Variants in CCDC192 observed in about 807,000 individuals in gnomAD.
CCDC192 encodes coiled-coil domain containing 192, also known as coiled-coil domain-containing protein 192.
At chr5:127,814,566 A>C (rs1397725055) in intron 5 of CCDC192, among the ~76,000 whole-genome samples, 1 of 152,204 alleles carries the variant, frequency 6.6e-6, no homozygotes. Context: ...AATGCTTATA[A>C]ATGTGTAGTT....
rs141848608 is a variant in CCDC192, at chr5:127,872,328, A to T, written c.412-3210A>T. 2.1e-3 allele frequency among the ~76,000 whole-genome samples: 319 copies of T among 152,338 alleles called. 11 individuals are homozygous for T. The East Asian group carries it at 0.056, about 27-fold the overall frequency. ...ATAAAGTGATATTTTGGTTCACATT[A>T]TCCTTGAATTCTAAGGGACGCACAG... On this transcript the variant is annotated intron_variant, in intron 5 of 6. Coordinates refer to ENST00000514853, the MANE Select transcript of CCDC192 (RefSeq NM_001317938.2).
At chr5:127,737,224 A>G (rs959954308) in intron 2 of CCDC192, among the ~76,000 whole-genome samples, 2 of 151,950 alleles carry the variant, frequency 1.3e-5, no homozygotes, top group South Asian at 2.1e-4. Flanking sequence ...TTCAGTTTCC[A>G]TGTAGTTGAG....
chr5:127,765,141 A>C (rs1755146075), intron 3 of CCDC192, among the ~76,000 whole-genome samples: 1 of 152,170 alleles, frequency 6.6e-6, no homozygotes, highest in Non-Finnish European at 1.5e-5. Context: ...TAAAGTTAAA[A>C]GATTTGGATA....
At chr5:127,778,349 AT>A (rs1205953288) in intron 3 of CCDC192, among the ~76,000 whole-genome samples, 2 of 152,002 alleles carry the variant, frequency 1.3e-5, no homozygotes, top group Non-Finnish European at 2.9e-5. Context: ...GATTTTGTCA[AT>A]TTTTTTGCAT....
intron 2 of CCDC192, among the ~76,000 whole-genome samples, chr5:127,729,739 T>A (rs1483097050): frequency 6.6e-6 from 1 of 152,040 alleles, no homozygotes; most frequent in African/African-American, 2.4e-5. Context: ...CACAACTACA[T>A]GAAAATTGAA....
intron 2 of CCDC192, among the ~76,000 whole-genome samples, chr5:127,747,117 T>C (rs571149388): frequency 6.6e-6 from 1 of 152,124 alleles, no homozygotes; most frequent in Non-Finnish European, 1.5e-5. Context: ...TATTTTTTTA[T>C]TGTTATACTT....
intron 5 of CCDC192, among the ~76,000 whole-genome samples, chr5:127,809,715 G>A (rs1020625030): frequency 3.9e-5 from 6 of 152,118 alleles, no homozygotes; most frequent in Admixed American, 3.9e-4. Flanking sequence ...TGATAATCCA[G>A]CTGGCAAAGT....
chr5:127,799,688 A>G (rs374362045), intron 5 of CCDC192, among the ~76,000 whole-genome samples: 21 of 152,278 alleles, frequency 1.4e-4, no homozygotes, highest in African/African-American at 2.9e-4. Context: ...GGAAATTCCT[A>G]TAGTGTCTTC....
At chr5:127,864,366 G>C (rs972374282) in intron 5 of CCDC192, among the ~76,000 whole-genome samples, 11 of 152,264 alleles carry the variant, frequency 7.2e-5, no homozygotes, top group Admixed American at 7.2e-4. Context: ...CTCCCTACCT[G>C]CTATCCGTGC....
chr5:127,805,879 G>T (rs1259666407), intron 5 of CCDC192, among the ~76,000 whole-genome samples: 1 of 152,076 alleles, frequency 6.6e-6, no homozygotes, highest in Non-Finnish European at 1.5e-5. Context: ...TGCTGAATCT[G>T]GAAAGATTGA....
At chr5:127,717,386 T>G (rs1378636216) in intron 2 of CCDC192, among the ~76,000 whole-genome samples, 1 of 152,102 alleles carries the variant, frequency 6.6e-6, no homozygotes, top group Admixed American at 6.6e-5. Context: ...ATGAACTATA[T>G]TCACCCAATT....
chr5:127,762,938 T>G (rs1755011937), intron 3 of CCDC192, among the ~76,000 whole-genome samples: 1 of 152,246 alleles, frequency 6.6e-6, no homozygotes, highest in South Asian at 2.1e-4. Context: ...CTAGGCATTC[T>G]GTTTGGTACT....
intron 6 of CCDC192, among the ~76,000 whole-genome samples, chr5:127,929,329 G>A (rs1416189399): frequency 2.0e-5 from 3 of 152,106 alleles, no homozygotes; most frequent in African/African-American, 7.2e-5. Flanking sequence ...CATATCTAGG[G>A]GGCTAGGAAA....
intron 5 of CCDC192, among the ~76,000 whole-genome samples, chr5:127,834,565 T>TCTTCTAAATACTA (rs1749947473): frequency 2.0e-5 from 3 of 152,200 alleles, no homozygotes; most frequent in African/African-American, 7.2e-5. Flanking sequence ...CATACAAATG[T>TCTTCTAAATACTA]GTTTTATAGT....
At chr5:127,753,365 G>T (rs947870008) in intron 2 of CCDC192, among the ~76,000 whole-genome samples, 1 of 152,070 alleles carries the variant, frequency 6.6e-6, no homozygotes, top group Non-Finnish European at 1.5e-5. Flanking sequence ...TACCAATTTT[G>T]CATACTCTTC....
intron 6 of CCDC192, chr5:127,935,404 T>C (rs1226989475): frequency 6.6e-6 from 1 of 152,206 alleles, no homozygotes; most frequent in East Asian, 1.9e-4. Flanking sequence ...TGCATACTTT[T>C]TGGTGGCACC....
intron 5 of CCDC192, among the ~76,000 whole-genome samples, chr5:127,849,699 A>G (rs1233118316): frequency 6.6e-6 from 1 of 152,246 alleles, no homozygotes; most frequent in Admixed American, 6.5e-5. Flanking sequence ...AAAGAGGTGG[A>G]GAGAGATACA....
At chr5:127,766,426 C>A (rs552374094) in intron 3 of CCDC192, among the ~76,000 whole-genome samples, 1 of 151,936 alleles carries the variant, frequency 6.6e-6, no homozygotes, top group South Asian at 2.1e-4. Flanking sequence ...AACTGGTAAA[C>A]AAAACAAAAC....
intron 3 of CCDC192, among the ~76,000 whole-genome samples, chr5:127,756,269 A>G (rs1419032896): frequency 6.6e-6 from 1 of 152,234 alleles, no homozygotes; most frequent in East Asian, 1.9e-4. Flanking sequence ...CAGGGGAATT[A>G]CAACGGAGAA....
Sources: gnomAD v4.1 joint callset for allele counts (sites outside exome capture counted in the v4.1 genomes callset) on GRCh38, gnomAD v4.1.1 for gene constraint, MANE v1.5 for transcripts, NCBI Gene and HGNC (gene_info 2026-07-23, HGNC 2026-07-21) for gene names.